Variants in PRKG1 observed in about 807,000 individuals in gnomAD.
PRKG1 encodes protein kinase cGMP-dependent 1.
In PRKG1, 35 loss-of-function variants were observed where a neutral mutation model predicts 88.1. The observed-to-expected ratio is 0.40, with a 90% CI of 0.30 to 0.53. PRKG1 has a LOEUF of 0.53. PRKG1 is among the 20% of genes least tolerant of loss of function. PRKG1 has a pLI of 0.59. For synonymous variants in PRKG1, 303 were observed against 292.5 expected, an observed-to-expected ratio of 1.04 and a Z score of -0.37; for missense variants, 540 against 839.8, an observed-to-expected ratio of 0.64 and a Z score of 4.41.
intron 1 of PRKG1, among the ~76,000 whole-genome samples, chr10:51,126,478 A>G (rs933272546): frequency 1.4e-5 from 2 of 140,796 alleles, no homozygotes; most frequent in African/African-American, 2.6e-5. Flanking sequence ...TAATTATATA[A>G]TCTATTTATA....
intron 5 of PRKG1, among the ~76,000 whole-genome samples, chr10:51,944,643 T>G (rs1309900095): frequency 6.6e-6 from 1 of 152,082 alleles, no homozygotes; most frequent in African/African-American, 2.4e-5. Flanking sequence ...CCAGAGATTC[T>G]GGTATGTTGT....
At chr10:51,824,743 G>A (rs1160887934) in intron 4 of PRKG1, among the ~76,000 whole-genome samples, 2 of 152,056 alleles carry the variant, frequency 1.3e-5, no homozygotes, top group Non-Finnish European at 2.9e-5. Context: ...AGAGAGAGAG[G>A]AGGAGGTGCC....
At chr10:51,678,714 C>T (rs1406696741) in intron 3 of PRKG1, among the ~76,000 whole-genome samples, 4 of 152,080 alleles carry the variant, frequency 2.6e-5, no homozygotes, top group African/African-American at 9.7e-5. Flanking sequence ...ACAGTGTGTG[C>T]CATAGTTAAA....
At chr10:51,232,737 C>A (rs1247021873) in intron 2 of PRKG1, among the ~76,000 whole-genome samples, 2 of 152,070 alleles carry the variant, frequency 1.3e-5, no homozygotes, top group Non-Finnish European at 2.9e-5. Flanking sequence ...AAATTGAGTG[C>A]AAATTCTTGT....
intron 3 of PRKG1, among the ~76,000 whole-genome samples, chr10:51,759,246 G>T (rs947278571): frequency 6.6e-6 from 1 of 151,814 alleles, no homozygotes; most frequent in Non-Finnish European, 1.5e-5. Context: ...TGTATTTTTG[G>T]TTCTAGGTCT....
chr10:52,081,077 A>G (rs757278131), intron 7 of PRKG1, among the ~76,000 whole-genome samples: 27 of 152,218 alleles, frequency 1.8e-4, no homozygotes, highest in Non-Finnish European at 2.9e-4. Context: ...TCTTCAACAC[A>G]CCACTTGCAA....
At position 50,991,310 on chromosome 10, in the gene PRKG1, AGCC is replaced by A. The variant is rs79957958; in HGVS notation, c.-38_-36del. On this transcript the variant is annotated 5_prime_UTR_variant, in exon 1 of 18. Transcript: ENST00000401604. The surrounding 1 kb of genome is among the most constrained non-coding windows in gnomAD (Gnocchi z 4.5). ...GCTCTCCGCTGCCGGCTGCCGTCCC[AGCC>A]GCCGCCGCCGCCGCCGCCGCCGCCG... 1,433 of 1,391,062 alleles carry A rather than the reference AGCC, an allele frequency of 1.0e-3. 6 individuals carry two copies. Among genetic ancestry groups the A allele is most frequent in the Admixed American group, 1.5e-3 (57 of 37,488 alleles). The allele number at this position is 1,391,062 out of a possible 1,614,324, so 86.2% of individuals were successfully genotyped here.
chr10:51,863,308 A>C lies in PRKG1; in HGVS notation c.699-44199A>C, dbSNP rs145680133. Among the ~76,000 whole-genome samples, 827 of 152,302 alleles carry C rather than the reference A, an allele frequency of 5.4e-3. 7 individuals are homozygous for C. Among genetic ancestry groups the C allele is most frequent in the African/African-American group, 0.019 (783 of 41,570 alleles). The stretch of plus-strand genomic sequence containing the variant: ...AAGAATGGACCACAGTGAGATTCTT[A>C]AGCAATCTCTATCTTGACAGTGTTC... On this transcript the variant is annotated intron_variant, in intron 4 of 17. Coordinates refer to ENST00000373980, the MANE Select transcript of PRKG1 (RefSeq NM_006258.4).
chr10:51,982,413 T>C (rs1844032951), intron 5 of PRKG1, among the ~76,000 whole-genome samples: 1 of 152,220 alleles, frequency 6.6e-6, no homozygotes, highest in African/African-American at 2.4e-5. Context: ...GTCAGAGTTC[T>C]TGAGCTGGTT....
Position 51,004,327 on chromosome 10 carries a change from G to T in PRKG1, c.266+12683G>T, listed in dbSNP as rs544154900. Among the ~76,000 whole-genome samples, 10 of 152,208 alleles carry T rather than the reference G, an allele frequency of 6.6e-5. No individual in the cohort carries two copies. The East Asian group carries it at 1.9e-3, about 29-fold the overall frequency. On this transcript the variant is annotated intron_variant, in intron 1 of 17. Coordinates refer to the PRKG1 transcript ENST00000401604. ...AAAAATACAAAGTTATCCGGACGTG[G>T]TGGTGCCTGTAATCCTAGCTATTGG...
chr10:51,417,196 C>T (rs1011170848), intron 2 of PRKG1, among the ~76,000 whole-genome samples: 3 of 152,082 alleles, frequency 2.0e-5, no homozygotes, highest in Non-Finnish European at 2.9e-5. Context: ...TTAAAAAGTA[C>T]GTAATTATTC....
intron 3 of PRKG1, among the ~76,000 whole-genome samples, chr10:51,579,190 C>T (rs1837967930): frequency 6.6e-6 from 1 of 151,736 alleles, no homozygotes; most frequent in East Asian, 1.9e-4. Flanking sequence ...CCGTGTTGGC[C>T]AGGCTGATCT....
chr10:51,528,359 A>G (rs1841933620), intron 3 of PRKG1, among the ~76,000 whole-genome samples: 1 of 152,220 alleles, frequency 6.6e-6, no homozygotes, highest in Non-Finnish European at 1.5e-5. Flanking sequence ...ATAATGTGTG[A>G]ATATGGCAAA....
In PRKG1 at chr10:51,515,189, A is replaced by G. The variant is rs190892753; in HGVS notation, c.592+47353A>G. Reference sequence around the variant, plus strand: ...TTTTATAAAGGCATATAAAGTATTTAGGTTACATTAACAACCAAGAAAGAC... The same window carrying G: ...TTTTATAAAGGCATATAAAGTATTTGGGTTACATTAACAACCAAGAAAGAC... On this transcript the variant is annotated intron_variant, in intron 3 of 17. Coordinates refer to ENST00000373980, the MANE Select transcript of PRKG1 (RefSeq NM_006258.4). 1.3e-4 allele frequency among the ~76,000 whole-genome samples: 20 copies of G among 152,374 alleles called. No individual in the cohort carries two copies. In the East Asian group the frequency reaches 2.3e-3, roughly 18 times the overall value.
chr10:51,857,122 TTTAA>T (rs1282784602), intron 4 of PRKG1, among the ~76,000 whole-genome samples: 2 of 152,206 alleles, frequency 1.3e-5, no homozygotes, highest in African/African-American at 4.8e-5. Context: ...ACATGTCATC[TTTAA>T]TTAATTTTCA....
chr10:51,164,983 T>C (rs1414661794), intron 2 of PRKG1, among the ~76,000 whole-genome samples: 1 of 152,292 alleles, frequency 6.6e-6, no homozygotes, highest in African/African-American at 2.4e-5. Flanking sequence ...TGCATGATAG[T>C]ATCCAGGAGA....
At chr10:51,343,372 T>C (rs940695073) in intron 2 of PRKG1, among the ~76,000 whole-genome samples, 14 of 152,286 alleles carry the variant, frequency 9.2e-5, no homozygotes, top group Admixed American at 4.6e-4. Flanking sequence ...TGATGTCAAC[T>C]GAATGTGGTT....
At chr10:51,261,493 C>A (rs1279156763) in intron 2 of PRKG1, among the ~76,000 whole-genome samples, 2 of 152,016 alleles carry the variant, frequency 1.3e-5, no homozygotes, top group Non-Finnish European at 2.9e-5. Context: ...AACAATATAA[C>A]TGTTGAAACA....
intron 9 of PRKG1, among the ~76,000 whole-genome samples, chr10:52,218,178 G>A (rs371115309): frequency 2.4e-4 from 36 of 146,954 alleles, no homozygotes; most frequent in Middle Eastern, 3.6e-3. Flanking sequence ...CCCACTGCAC[G>A]CTAGCCTGGG....
Sources: gnomAD v4.1 joint callset for allele counts (sites outside exome capture counted in the v4.1 genomes callset) on GRCh38, gnomAD v4.1.1 for gene constraint, Gnocchi (gnomAD v3.1) non-coding constraint, MANE v1.5 for transcripts, NCBI Gene and HGNC (gene_info 2026-07-23, HGNC 2026-07-21) for gene names.